Variants in MCC observed in about 807,000 individuals in gnomAD.
The protein encoded by MCC is MCC regulator of Wnt signaling pathway.
A neutral mutation model predicts 116.2 loss-of-function variants in MCC; 90 were observed. That is an observed-to-expected ratio of 0.77 (90% CI 0.65 to 0.92). The LOEUF (loss-of-function observed/expected upper bound fraction) is 0.92. Ranked by LOEUF, MCC falls within the 40% of genes least tolerant of loss-of-function variation. The pLI is 0.00. For missense variants in MCC, 1,516 were observed against 1,312.2 expected (o/e 1.16, Z -2.40); for synonymous variants, 578 against 510.5 (o/e 1.13, Z -1.78).
At chr5:113,201,558 G>C (rs1055180063) in intron 3 of MCC, among the ~76,000 whole-genome samples, 19 of 152,048 alleles carry the variant, frequency 1.2e-4, no homozygotes, top group African/African-American at 4.6e-4. Context: ...CCAGCTATAG[G>C]TTTTGCTTAA....
chr5:113,286,967 T>C (rs967644515), intron 3 of MCC, among the ~76,000 whole-genome samples: 1 of 152,214 alleles, frequency 6.6e-6, no homozygotes, highest in Non-Finnish European at 1.5e-5. Flanking sequence ...CAGTAAATAT[T>C]TACTCTATAA....
At chr5:113,103,492 A>C (rs1756554045) in intron 7 of MCC, among the ~76,000 whole-genome samples, 1 of 152,216 alleles carries the variant, frequency 6.6e-6, no homozygotes. Flanking sequence ...ACATATTTGC[A>C]ATTGAGATGA....
intron 6 of MCC, among the ~76,000 whole-genome samples, chr5:113,120,953 C>T (rs1004436289): frequency 6.6e-6 from 1 of 152,194 alleles, no homozygotes. Context: ...ATAGTTCCTG[C>T]CCCAAGCAAA....
At chr5:113,172,743 G>A (rs1040882072) in intron 3 of MCC, among the ~76,000 whole-genome samples, 2 of 152,160 alleles carry the variant, frequency 1.3e-5, no homozygotes, top group Non-Finnish European at 2.9e-5. Context: ...GAACAAATTC[G>A]TGGAAATAGA....
At chr5:113,272,500 C>T (rs1765653637) in intron 3 of MCC, among the ~76,000 whole-genome samples, 1 of 152,132 alleles carries the variant, frequency 6.6e-6, no homozygotes, top group African/African-American at 2.4e-5. Flanking sequence ...AAATTGGGCT[C>T]TACTGTGCTC....
chr5:113,041,327 G>A (rs1285568889), intron 17 of MCC, among the ~76,000 whole-genome samples: 1 of 152,192 alleles, frequency 6.6e-6, no homozygotes, highest in Non-Finnish European at 1.5e-5. Flanking sequence ...GAAATGGCAG[G>A]AAAGACATTT....
chr5:113,074,455 T>G (rs919965062), intron 11 of MCC, among the ~76,000 whole-genome samples: 1 of 152,142 alleles, frequency 6.6e-6, no homozygotes, highest in African/African-American at 2.4e-5. Context: ...AGCTGAAAAT[T>G]CTAAAAATCA....
intron 3 of MCC, among the ~76,000 whole-genome samples, chr5:113,195,356 A>C (rs1208931873): frequency 1.3e-5 from 2 of 152,218 alleles, no homozygotes; most frequent in Non-Finnish European, 2.9e-5. Flanking sequence ...GAGTTTCACT[A>C]ATAGAATTAG....
intron 16 of MCC, chr5:113,048,673 G>T (rs976443420): frequency 4.9e-5 from 14 of 287,512 alleles, no homozygotes; most frequent in Non-Finnish European, 8.3e-5. Flanking sequence ...AATATATAAG[G>T]GTTCAGTATT....
chr5:113,252,922 C>T (rs1398425882), intron 3 of MCC, among the ~76,000 whole-genome samples: 3 of 152,238 alleles, frequency 2.0e-5, no homozygotes, highest in Admixed American at 6.5e-5. Context: ...TTGCTTCTTG[C>T]AAGGGAACTG....
intron 1 of MCC, among the ~76,000 whole-genome samples, chr5:113,456,623 A>ATTTTTTT (rs34111159): frequency 0.024 from 1,215 of 51,048 alleles, 178 homozygotes; most frequent in African/African-American, 0.039. Flanking sequence ...TGCCCAGCTA[A>ATTTTTTT]TTTTTTTTTT....
At chr5:113,141,700 A>C (rs1219887368) in intron 5 of MCC, among the ~76,000 whole-genome samples, 1 of 152,248 alleles carries the variant, frequency 6.6e-6, no homozygotes, top group Non-Finnish European at 1.5e-5. Context: ...CCACAGATGT[A>C]GTCTTCCTTT....
chr5:113,254,661 CA>C (rs1764939182), intron 3 of MCC, among the ~76,000 whole-genome samples: 1 of 152,180 alleles, frequency 6.6e-6, no homozygotes, highest in Non-Finnish European at 1.5e-5. Flanking sequence ...CACCTCTGTT[CA>C]AGTGGCCTAT....
chr5:113,145,764 AC>A (rs58207644), intron 4 of MCC, among the ~76,000 whole-genome samples: 3,092 of 70,662 alleles, frequency 0.044, 50 homozygotes, highest in Non-Finnish European at 0.058. Context: ...ACACACACAC[AC>A]ACACACACAC....
In MCC at chr5:113,351,711, G is replaced by C. The variant is rs10477490; in HGVS notation, c.416-10981C>G. Among the ~76,000 whole-genome samples the C allele has an allele frequency of 5.7e-4, 87 of 152,170 alleles. 1 individual carries two copies. The Middle Eastern group carries it at 0.014, about 24-fold the overall frequency. On this transcript the variant is annotated intron_variant, in intron 2 of 18. Coordinates refer to ENST00000408903, the MANE Select transcript of MCC (RefSeq NM_001085377.2). ...AAGAGAGTATAACTGGATTGTTTGC[G>C]ACACAAAGGATAAATGCTTGAGGGG...
chr5:113,063,970 A>T lies in MCC; in HGVS notation c.2213+14T>A. ...GGACACACGCCCACCCCAGAGCAGA[A>T]GGCTGAGCATTACCTGGTGTGGCTG... On this transcript the variant is annotated intron_variant, in intron 14 of 18. Transcript: ENST00000408903. 6.2e-7 allele frequency: 1 copy of T among 1,607,298 alleles called. No individual in the cohort carries two copies. The highest frequency in any genetic ancestry group is 8.5e-7 in the Non-Finnish European group (1 of 1,176,828).
chr5:113,145,248 G>A (rs1204554231), intron 4 of MCC, among the ~76,000 whole-genome samples: 1 of 152,092 alleles, frequency 6.6e-6, no homozygotes, highest in African/African-American at 2.4e-5. Context: ...CAGATGTAGT[G>A]GACACTCTCA....
At chr5:113,252,105 G>A (rs1195482931) in intron 3 of MCC, among the ~76,000 whole-genome samples, 1 of 152,078 alleles carries the variant, frequency 6.6e-6, no homozygotes, top group African/African-American at 2.4e-5. Context: ...CTGACGTCCT[G>A]CCAACACCTA....
chr5:113,119,375 G>T (rs1757599384), intron 6 of MCC, among the ~76,000 whole-genome samples: 1 of 152,184 alleles, frequency 6.6e-6, no homozygotes. Context: ...AGAGGGGAGG[G>T]CGGGGGGCCT....
Sources: gnomAD v4.1 joint callset for allele counts (sites outside exome capture counted in the v4.1 genomes callset) on GRCh38, gnomAD v4.1.1 for gene constraint, MANE v1.5 for transcripts, NCBI Gene and HGNC (gene_info 2026-07-23, HGNC 2026-07-21) for gene names.